TTLL3: variants seen among roughly 807,000 people sequenced by gnomAD.
The protein encoded by TTLL3 is tubulin monoglycylase TTLL3.
A neutral mutation model predicts 75.2 loss-of-function variants in TTLL3; 63 were observed. The ratio of observed to expected loss-of-function variants is 0.84; its 90% confidence interval spans 0.68 to 1.03. The LOEUF (loss-of-function observed/expected upper bound fraction) is 1.03, where lower values mean the gene tolerates loss of function less well. TTLL3 is among the 50% of genes least tolerant of loss of function. The pLI is 0.00. For synonymous variants in TTLL3, 393 were observed against 418.5 expected (o/e 0.94, Z 0.74); for missense variants, 997 against 1,069.9 (o/e 0.93, Z 0.95).
intron 11 of TTLL3, 106 bp downstream of exon 11, chr3:9,829,501 G>C (rs1041389986): frequency 7.1e-7 from 1 of 1,409,044 alleles, no homozygotes. Context: ...TTAAGACCCA[G>C]ATTCAAGTCC....
chr3:9,828,656 T>C (rs2081269081), intron 10 of TTLL3: 1 of 423,260 alleles, frequency 2.4e-6, no homozygotes, highest in South Asian at 2.9e-5. Flanking sequence ...GGCCATACCC[T>C]TACCCACCCT....
In TTLL3 at chr3:9,810,283, C is replaced by G; in HGVS notation, c.-153C>G. The G allele has an allele frequency of 1.3e-6, 2 of 1,504,510 alleles. No individual in the cohort carries two copies. Among genetic ancestry groups the G allele is most frequent in the Non-Finnish European group, 1.8e-6 (2 of 1,135,898 alleles). The allele number at this position is 1,504,510 out of a possible 1,614,324, so 93.2% of individuals were successfully genotyped here. A position where few individuals can be genotyped will look rare whatever the true frequency, so the allele number is the denominator to read the frequency against. ...GGGCAGCCCCGCCCCTGCGCGCCGC[C>G]TCAGCGGCGCCTTCAAGACGCTGGT... On this transcript the variant is annotated 5_prime_UTR_variant, in exon 1 of 14. Transcript: ENST00000685419. The surrounding 1 kb of genome is among the most constrained non-coding windows in gnomAD (Gnocchi z 4.4).
intron 3 of TTLL3, 66 bp from the exon 4 acceptor site, chr3:9,813,182 G>A: frequency 1.2e-6 from 2 of 1,611,992 alleles, no homozygotes; most frequent in Non-Finnish European, 1.7e-6. Flanking sequence ...CTGTCCCAGA[G>A]TTGAGGCCTT....
chr3:9,810,101 C>T, upstream of TTLL3: 6 of 1,430,288 alleles, frequency 4.2e-6, no homozygotes, highest in South Asian at 8.2e-5. This position sits in a 1 kb window ranked among gnomAD's most constrained non-coding sequence, Gnocchi z 4.4. Flanking sequence ...GAGGGCGGCG[C>T]GGTGTGCAAC....
rs71052206 is a variant in TTLL3, at chr3:9,816,523, C to CTTTTTTTTTTTTTTTTTTTTTT, written c.444+332_444+333insTTTTTTTTTTTTTTTTTTTTTT. ...GACCCATTCTGTCTTACCTGGGTTT[C>CTTTTTTTTTTTTTTTTTTTTTT]TTTTTTTTTTTGAGACAGAGTCTTG... On this transcript the variant is annotated intron_variant, in intron 5 of 13. Coordinates refer to ENST00000685419, the MANE Select transcript of TTLL3 (RefSeq NM_001387446.1). Among the ~76,000 whole-genome samples, 19 of 103,990 alleles carry CTTTTTTTTTTTTTTTTTTTTTT rather than the reference C, an allele frequency of 1.8e-4. 2 individuals are homozygous for CTTTTTTTTTTTTTTTTTTTTTT. The highest frequency in any genetic ancestry group is 6.0e-4 in the East Asian group (2 of 3,310). 68.2% of individuals were successfully genotyped at this position (103,990 alleles called of 152,430 possible). A position where few individuals can be genotyped will look rare whatever the true frequency, so the allele number is the denominator to read the frequency against.
In TTLL3 at chr3:9,810,444, G is replaced by T; in HGVS notation, c.-42+50G>T. 2 of 1,428,592 alleles carry T rather than the reference G, an allele frequency of 1.4e-6. No individual in the cohort carries two copies. The allele number at this position is 1,428,592 out of a possible 1,614,324, so 88.5% of individuals were successfully genotyped here. On this transcript the variant is annotated intron_variant, in intron 1 of 13. Coordinates refer to ENST00000685419, the MANE Select transcript of TTLL3 (RefSeq NM_001387446.1). This position sits in a 1 kb window ranked among gnomAD's most constrained non-coding sequence, Gnocchi z 4.4. The stretch of plus-strand genomic sequence containing the variant: ...TCTGGCCTACAGCGGCTGCGAGGAC[G>T]ACAAGACGCTGGGGTGGAGGGACTG...
upstream of TTLL3, chr3:9,810,209 C>T: frequency 6.7e-7 from 1 of 1,487,020 alleles, no homozygotes; most frequent in Non-Finnish European, 8.9e-7. The surrounding 1 kb of genome is among the most constrained non-coding windows in gnomAD (Gnocchi z 4.4). Context: ...TGGGCCGGCC[C>T]TGCCTCCGCC....
intron 10 of TTLL3, chr3:9,828,253 CT>C (rs2081238439): frequency 7.2e-6 from 1 of 138,174 alleles, no homozygotes. Context: ...GTCGTGTTAA[CT>C]TCTAGGGTGA....
chr3:9,828,308 G>C (rs2081243635), intron 10 of TTLL3: 1 of 152,206 alleles, frequency 6.6e-6, no homozygotes, highest in Non-Finnish European at 1.5e-5. Flanking sequence ...TGTCTCTGCA[G>C]CTTCCAAGTT....
At chr3:9,824,462 G>GT (rs2080819508) in intron 8 of TTLL3, among the ~76,000 whole-genome samples, 1 of 152,226 alleles carries the variant, frequency 6.6e-6, no homozygotes, top group South Asian at 2.1e-4. Flanking sequence ...CCACACTGGA[G>GT]TGCAATGGCG....
At chr3:9,816,574 T>C (rs552794388) in intron 5 of TTLL3, among the ~76,000 whole-genome samples, 2 of 129,508 alleles carry the variant, frequency 1.5e-5, no homozygotes, top group South Asian at 5.1e-4. Flanking sequence ...TGGAGTGCAG[T>C]GGTGCAATCT....
chr3:9,833,392 G>A, intron 12 of TTLL3, 147 bp downstream of exon 12: 1 of 1,231,400 alleles, frequency 8.1e-7, no homozygotes, highest in African/African-American at 1.5e-5. Context: ...AAGGGCCACA[G>A]CCCTGGTCTG....
At chr3:9,810,154 C>T (rs1449598118), upstream of TTLL3, 2 of 1,473,564 alleles carry the variant, frequency 1.4e-6, no homozygotes, top group South Asian at 1.3e-5. This position sits in a 1 kb window ranked among gnomAD's most constrained non-coding sequence, Gnocchi z 4.4. Flanking sequence ...CACCAGTTTC[C>T]CCTCGGCGCG....
chr3:9,812,930 T>C lies in TTLL3; in HGVS notation c.49-13T>C. 1.3e-6 allele frequency: 2 copies of C among 1,490,556 alleles called. No individual in the cohort carries two copies. Among genetic ancestry groups the C allele is most frequent in the Non-Finnish European group, 9.0e-7 (1 of 1,116,988 alleles). 92.3% of individuals were successfully genotyped at this position (1,490,556 alleles called of 1,614,324 possible). On this transcript the variant is annotated splice_polypyrimidine_tract_variant and intron_variant, in intron 2 of 13. Coordinates refer to ENST00000685419, the MANE Select transcript of TTLL3 (RefSeq NM_001387446.1). ...AATACTTATTGAAGAAGTATCCTTCTCTCACATTGCAGCAGAAGAAGATCT... is the reference window on the plus strand; with the variant it reads ...AATACTTATTGAAGAAGTATCCTTCCCTCACATTGCAGCAGAAGAAGATCT...
At chr3:9,825,386 C>A in intron 8 of TTLL3, 1 of 223,050 alleles carries the variant, frequency 4.5e-6, no homozygotes, top group Non-Finnish European at 9.1e-6. Flanking sequence ...ACTAGTAATA[C>A]TTCCCTGGCA....
chr3:9,835,061 C>A, intron 13 of TTLL3, 33 bp from the exon 14 acceptor site: 1 of 1,589,390 alleles, frequency 6.3e-7, no homozygotes, highest in Non-Finnish European at 8.6e-7. Context: ...GACTTCTGAT[C>A]ATCTCCCTCT....
At position 9,835,198 on chromosome 3, in the gene TTLL3, A is replaced by T; in HGVS notation, c.2157A>T (p.Pro719=). The change falls in exon 14 of 14, where the codon CCA becomes CCT. Residue 719 remains proline (P), a synonymous_variant. Coordinates refer to ENST00000685419, the MANE Select transcript of TTLL3 (RefSeq NM_001387446.1). The part of the protein sequence containing the change: ...QFLAPVGRSR[P]KANSRPDCDK... Reference sequence around the variant, plus strand: ...TAGCACCTGTCGGAAGGTCAAGGCCAAAGGCAAATTCAAGGCCAGACTGTG... The same window carrying T: ...TAGCACCTGTCGGAAGGTCAAGGCCTAAGGCAAATTCAAGGCCAGACTGTG... The T allele has an allele frequency of 6.2e-7, 1 of 1,614,146 alleles. No homozygotes were observed. The highest frequency in any genetic ancestry group is 8.5e-7 in the Non-Finnish European group (1 of 1,180,024).
chr3:9,829,213 G>A lies in TTLL3; in HGVS notation c.1501G>A (p.Val501Met), dbSNP rs771480120. ...ASFELYGADF[V>M]FGEDFQPWLI... is the part of the protein sequence containing the mutation. ...CTTTGAGCTCTATGGCGCTGACTTCGTGTTCGGGGAGGACTTCCAGCCCTG... is the reference window on the plus strand; with the variant it reads ...CTTTGAGCTCTATGGCGCTGACTTCATGTTCGGGGAGGACTTCCAGCCCTG... Residue 501 changes from valine (V) to methionine (M), a missense_variant, in exon 11 of 14, where the codon GTG (valine) becomes ATG (methionine). By Grantham distance (21) the Val-to-Met change is conservative. Coordinates refer to ENST00000685419, the MANE Select transcript of TTLL3 (RefSeq NM_001387446.1). The A allele has an allele frequency of 2.2e-5, 35 of 1,614,072 alleles. No homozygotes were observed. Among genetic ancestry groups the A allele is most frequent in the East Asian group, 2.0e-4 (9 of 44,900 alleles).
Position 9,810,728 on chromosome 3 carries a change from G to A in TTLL3, c.48+19G>A, listed in dbSNP as rs912263055. ...TGTCAAGGTCAGAGGAGGGGCAGGG[G>A]CGCTTAGAAAGGGCCCTGGGAGCGG... is the stretch of plus-strand genomic sequence containing the variant. On this transcript the variant is annotated intron_variant, in intron 2 of 13. Transcript: ENST00000685419. This position sits in a 1 kb window ranked among gnomAD's most constrained non-coding sequence, Gnocchi z 4.4. 3.2e-6 allele frequency: 5 copies of A among 1,576,260 alleles called. No homozygotes were observed. The East Asian group carries it at 9.2e-5, about 29-fold the overall frequency.
Sources: allele counts gnomAD v4.1 joint callset (sites outside exome capture counted in the v4.1 genomes callset), GRCh38; gene constraint gnomAD v4.1.1; non-coding constraint Gnocchi (gnomAD v3.1); transcripts MANE v1.5; gene names NCBI Gene and HGNC (gene_info 2026-07-23, HGNC 2026-07-21).